The following DNM2 variants were observed in gnomAD, a reference collection of about 807,000 sequenced individuals.
DNM2 encodes dynamin-2.
DNM2 carries 15 observed loss-of-function variants against 99.0 expected under a neutral mutation model. The ratio of observed to expected loss-of-function variants is 0.15; its 90% confidence interval spans 0.10 to 0.23. The LOEUF (loss-of-function observed/expected upper bound fraction) is 0.23. Among genes scored for constraint, DNM2 ranks in the 10% least tolerant of loss-of-function variants. DNM2 has a pLI of 1.00. For missense variants in DNM2, 742 were observed against 1,189.4 expected (o/e 0.62, Z 5.53); for synonymous variants, 525 against 481.2 (o/e 1.09, Z -1.19).
chr19:10,777,063 G>A, intron 4 of DNM2, 55 bp from the exon 5 acceptor site: 2 of 1,591,596 alleles, frequency 1.3e-6, no homozygotes, highest in Admixed American at 1.7e-5. Flanking sequence ...GCAGCTGCCA[G>A]CTGATGCTCT....
intron 10 of DNM2, among the ~76,000 whole-genome samples, chr19:10,797,861 C>G (rs1372249232): frequency 2.0e-5 from 3 of 152,180 alleles, no homozygotes; most frequent in Non-Finnish European, 4.4e-5. Flanking sequence ...CCTGCATGTT[C>G]TCACAGTCTA....
chr19:10,731,037 C>T (rs141075238), intron 1 of DNM2, among the ~76,000 whole-genome samples: 27 of 152,288 alleles, frequency 1.8e-4, no homozygotes, highest in African/African-American at 6.0e-4. Flanking sequence ...GACACACTTT[C>T]GCGGTGATGA....
intron 7 of DNM2, among the ~76,000 whole-genome samples, chr19:10,792,295 G>T (rs908296454): frequency 6.6e-6 from 1 of 152,116 alleles, no homozygotes; most frequent in African/African-American, 2.4e-5. Context: ...AGCCTTGGTG[G>T]CCCTGACAGT....
In DNM2 at chr19:10,732,243, G is replaced by A. The variant is rs571724206; in HGVS notation, c.161+13840G>A. The stretch of plus-strand genomic sequence containing the variant: ...GCTGGGATTACAGGCATGAGCCACC[G>A]CGCCCTTAAACTCTTTTCTGTTAAA... On this transcript the variant is annotated intron_variant, in intron 1 of 20. Coordinates refer to ENST00000389253, the MANE Select transcript of DNM2 (RefSeq NM_001005361.3). Among the ~76,000 whole-genome samples, 748 of 141,726 alleles carry A rather than the reference G, an allele frequency of 5.3e-3. 4 individuals carry two copies. Among genetic ancestry groups the A allele is most frequent in the Middle Eastern group, 0.011 (3 of 272 alleles). 93.0% of individuals were successfully genotyped at this position (141,726 alleles called of 152,430 possible). A position where few individuals can be genotyped will look rare whatever the true frequency, so the allele number is the denominator to read the frequency against.
chr19:10,770,673 G>C (rs2070943772), intron 2 of DNM2, among the ~76,000 whole-genome samples: 1 of 152,238 alleles, frequency 6.6e-6, no homozygotes, highest in Non-Finnish European at 1.5e-5. Flanking sequence ...GCAAGGAGGA[G>C]CAAGTCACAT....
intron 6 of DNM2, among the ~76,000 whole-genome samples, chr19:10,784,077 G>A (rs1232407989): frequency 6.6e-6 from 1 of 152,158 alleles, no homozygotes; most frequent in Non-Finnish European, 1.5e-5. Context: ...CAGTGGGCCA[G>A]TGTGTGGTAG....
At position 10,812,819 on chromosome 19, in the gene DNM2, G is replaced by A. The variant is rs565307068; in HGVS notation, c.1671+442G>A. Among the ~76,000 whole-genome samples, 4 of 152,220 alleles carry A rather than the reference G, an allele frequency of 2.6e-5. No individual in the cohort carries two copies. The highest frequency in any genetic ancestry group is 1.9e-4 in the East Asian group (1 of 5,184). On this transcript the variant is annotated intron_variant, in intron 15 of 20. Coordinates refer to ENST00000389253, the MANE Select transcript of DNM2 (RefSeq NM_001005361.3). This position sits in a 1 kb window ranked among gnomAD's most constrained non-coding sequence, Gnocchi z 4.0. Reference sequence around the variant, plus strand: ...ACAAACAAACAAACAAAAAACAACCGTAACCCAGGGCTGGAGAGCAGCCAC... The same window carrying A: ...ACAAACAAACAAACAAAAAACAACCATAACCCAGGGCTGGAGAGCAGCCAC...
At chr19:10,792,279 C>T (rs2071779638) in intron 7 of DNM2, among the ~76,000 whole-genome samples, 1 of 152,142 alleles carries the variant, frequency 6.6e-6, no homozygotes, top group Admixed American at 6.5e-5. Flanking sequence ...CTTTCTTTGG[C>T]AGCCCAGCCT....
chr19:10,752,171 C>T lies in DNM2; in HGVS notation c.162-7567C>T, dbSNP rs144201355. Among the ~76,000 whole-genome samples, 951 of 152,232 alleles carry T rather than the reference C, an allele frequency of 6.2e-3. 13 individuals carry two copies. Among genetic ancestry groups the T allele is most frequent in the African/African-American group, 0.022 (917 of 41,530 alleles). ...AAGGAATGTGAGCTGGTACTGGTAACGCCTGGTACTGTGGCGTGCCTGGGC... is the reference window on the plus strand; with the variant it reads ...AAGGAATGTGAGCTGGTACTGGTAATGCCTGGTACTGTGGCGTGCCTGGGC... On this transcript the variant is annotated intron_variant, in intron 1 of 20. Coordinates refer to ENST00000389253, the MANE Select transcript of DNM2 (RefSeq NM_001005361.3).
rs2071003701 is a variant in DNM2 at position 10,772,153 on chromosome 19, C to T, written c.236-326C>T. ...AGAGTGCAGTGGCGCAATCTCGGCT[C>T]ACTACAACCTCCGCCTCCCGGGTTC... On this transcript the variant is annotated intron_variant, in intron 2 of 20. Coordinates refer to ENST00000389253, the MANE Select transcript of DNM2 (RefSeq NM_001005361.3). This position sits in a 1 kb window ranked among gnomAD's most constrained non-coding sequence, Gnocchi z 4.9. Among the ~76,000 whole-genome samples the T allele has an allele frequency of 6.6e-6, 1 of 151,808 alleles. No individual in the cohort carries two copies. Among genetic ancestry groups the T allele is most frequent in the Non-Finnish European group, 1.5e-5 (1 of 68,000 alleles).
chr19:10,783,705 A>ATTTTTT (rs1020896849), intron 6 of DNM2, among the ~76,000 whole-genome samples: 1 of 145,292 alleles, frequency 6.9e-6, no homozygotes, highest in Non-Finnish European at 1.5e-5. Flanking sequence ...TATTATTATT[A>ATTTTTT]TTTTTTATTT....
chr19:10,736,610 G>C (rs2069536025), intron 1 of DNM2, among the ~76,000 whole-genome samples: 1 of 152,144 alleles, frequency 6.6e-6, no homozygotes, highest in Non-Finnish European at 1.5e-5. Flanking sequence ...TTTTTTGTTT[G>C]TTTGTTTGTT....
chr19:10,750,799 G>A (rs1192912161), intron 1 of DNM2, among the ~76,000 whole-genome samples: 1 of 152,126 alleles, frequency 6.6e-6, no homozygotes, highest in Non-Finnish European at 1.5e-5. Context: ...CGGGTGTGGT[G>A]CTGGGCGCCT....
intron 13 of DNM2, among the ~76,000 whole-genome samples, chr19:10,807,648 G>A (rs931405236): frequency 2.9e-5 from 4 of 140,320 alleles, no homozygotes; most frequent in Non-Finnish European, 3.0e-5. Context: ...TCCTAGCTTC[G>A]TGTGATTCTC....
In DNM2 at chr19:10,820,203, G is replaced by T; in HGVS notation, c.1781+114G>T. On this transcript the variant is annotated intron_variant, in intron 16 of 20. Transcript: ENST00000389253. The surrounding 1 kb of genome is among the most constrained non-coding windows in gnomAD (Gnocchi z 4.3). ...TGGCTGTCAGCAGTCCCTGCCCTTG[G>T]GACCCAGCTTTTAGAAAGGGGAGTC... 2.0e-6 allele frequency: 2 copies of T among 1,021,794 alleles called. No individual in the cohort carries two copies. The highest frequency in any genetic ancestry group is 3.0e-6 in the Non-Finnish European group (2 of 660,552). 63.3% of individuals were successfully genotyped at this position (1,021,794 alleles called of 1,614,324 possible).
At chr19:10,721,417 A>G (rs1296101350) in intron 1 of DNM2, among the ~76,000 whole-genome samples, 1 of 152,212 alleles carries the variant, frequency 6.6e-6, no homozygotes. Flanking sequence ...TCGGCCACCC[A>G]AAATGCTGGC....
chr19:10,780,770 A>C (rs976169704), intron 5 of DNM2, among the ~76,000 whole-genome samples: 3 of 151,970 alleles, frequency 2.0e-5, no homozygotes, highest in Non-Finnish European at 4.4e-5. Context: ...TCTCTCTTAA[A>C]AAATTATCCA....
chr19:10,759,171 C>T (rs1260134786), intron 1 of DNM2, among the ~76,000 whole-genome samples: 2 of 152,172 alleles, frequency 1.3e-5, no homozygotes, highest in Non-Finnish European at 2.9e-5. Context: ...CTTGTCCAGG[C>T]TTTTACAGTT....
chr19:10,722,987 G>A (rs2068988318), intron 1 of DNM2, among the ~76,000 whole-genome samples: 2 of 149,154 alleles, frequency 1.3e-5, no homozygotes, highest in Admixed American at 1.3e-4. Context: ...TTTTTTTTGA[G>A]ACGGAGTCTG....
Sources: gnomAD v4.1 joint callset for allele counts (sites outside exome capture counted in the v4.1 genomes callset) on GRCh38, gnomAD v4.1.1 for gene constraint, Gnocchi (gnomAD v3.1) non-coding constraint, MANE v1.5 for transcripts, NCBI Gene and HGNC (gene_info 2026-07-23, HGNC 2026-07-21) for gene names.